The following PKIB variants were observed in gnomAD, a reference collection of about 807,000 sequenced individuals.
PKIB encodes PKI-beta.
PKIB carries 2 observed loss-of-function variants against 4.5 expected under a neutral mutation model. That is an observed-to-expected ratio of 0.44 (90% CI 0.18 to 1.39). The LOEUF (loss-of-function observed/expected upper bound fraction) is 1.39. Ranked by LOEUF, PKIB falls within the 40% of genes most tolerant of loss-of-function variation. PKIB has a pLI of 0.27. For synonymous variants in PKIB, 38 were observed against 36.0 expected, an observed-to-expected ratio of 1.06 and a Z score of -0.20; for missense variants, 94 against 92.6, an observed-to-expected ratio of 1.02 and a Z score of -0.06.
intron 2 of PKIB, among the ~76,000 whole-genome samples, chr6:122,564,833 C>T (rs144911871): frequency 1.1e-4 from 16 of 152,086 alleles, no homozygotes; most frequent in African/African-American, 2.9e-4. Flanking sequence ...GTGTAGGAAA[C>T]GCTTAGGAAT....
intron 2 of PKIB, among the ~76,000 whole-genome samples, chr6:122,584,381 T>A (rs1562260342): frequency 6.6e-6 from 1 of 152,140 alleles, no homozygotes; most frequent in Admixed American, 6.6e-5. Flanking sequence ...TTGGAAATGA[T>A]AATCATAAAT....
At chr6:122,682,523 TA>T (rs1777937088) in intron 3 of PKIB, among the ~76,000 whole-genome samples, 1 of 152,204 alleles carries the variant, frequency 6.6e-6, no homozygotes. Context: ...CTAAAAACTG[TA>T]GGTTTTTTCA....
At chr6:122,695,429 AT>A (rs74273096) in intron 3 of PKIB, among the ~76,000 whole-genome samples, 72,571 of 151,844 alleles carry the variant, frequency 0.48, 18,132 homozygotes, top group Non-Finnish European at 0.56. Flanking sequence ...AGAACAAAAA[AT>A]AAGTTTTTTC....
At chr6:122,605,763 G>C (rs1774510249), upstream of PKIB, among the ~76,000 whole-genome samples, 1 of 152,056 alleles carries the variant, frequency 6.6e-6, no homozygotes, top group Non-Finnish European at 1.5e-5. Context: ...AGTGGTTTTT[G>C]TCCCCAAGGC....
chr6:122,532,991 G>A (rs769727709), intron 2 of PKIB, among the ~76,000 whole-genome samples: 4 of 151,968 alleles, frequency 2.6e-5, no homozygotes, highest in South Asian at 2.1e-4. Context: ...TTTCTTTGGG[G>A]AAATATCTAT....
intron 1 of PKIB, among the ~76,000 whole-genome samples, chr6:122,619,241 A>G (rs1162986594): frequency 2.6e-5 from 4 of 152,140 alleles, no homozygotes; most frequent in African/African-American, 7.2e-5. Context: ...TTATCAATCT[A>G]TTCTCACGTA....
At chr6:122,609,988 G>A (rs957160795), upstream of PKIB, among the ~76,000 whole-genome samples, 3 of 152,108 alleles carry the variant, frequency 2.0e-5, no homozygotes, top group Non-Finnish European at 2.9e-5. Context: ...ATGACACCTG[G>A]AGCACAAACC....
intron 2 of PKIB, among the ~76,000 whole-genome samples, chr6:122,510,779 G>A (rs1776561538): frequency 6.6e-6 from 1 of 152,140 alleles, no homozygotes; most frequent in Admixed American, 6.5e-5. Context: ...ACCCAGATAA[G>A]GTGCTGGGTC....
intron 1 of PKIB, among the ~76,000 whole-genome samples, chr6:122,626,558 C>T (rs998249013): frequency 2.6e-5 from 4 of 152,310 alleles, no homozygotes; most frequent in South Asian, 2.1e-4. Context: ...ACAGAAGATG[C>T]GGCATTTGAG....
intron 2 of PKIB, chr6:122,482,177 G>T (rs1775637651): frequency 6.6e-6 from 1 of 152,160 alleles, no homozygotes; most frequent in Non-Finnish European, 1.5e-5. Flanking sequence ...AGCCAGGATG[G>T]TCTTGATCTC....
chr6:122,528,075 T>TA (rs1777147087), intron 2 of PKIB, among the ~76,000 whole-genome samples: 1 of 152,160 alleles, frequency 6.6e-6, no homozygotes, highest in Non-Finnish European at 1.5e-5. Context: ...CATAAATACT[T>TA]ATGATTATTA....
chr6:122,706,077 G>A (rs6923946), intron 3 of PKIB, among the ~76,000 whole-genome samples: 150,762 of 152,212 alleles, frequency 0.99, 74,683 homozygotes, highest in Middle Eastern at 1. Context: ...CTTGCTTTTT[G>A]CACTCCCCTC....
intron 2 of PKIB, among the ~76,000 whole-genome samples, chr6:122,666,277 C>A (rs575245087): frequency 2.6e-5 from 4 of 152,288 alleles, no homozygotes; most frequent in African/African-American, 9.6e-5. Context: ...CTTAAATTTC[C>A]AACAGGTTAC....
intron 1 of PKIB, among the ~76,000 whole-genome samples, chr6:122,630,734 G>A (rs1367269684): frequency 6.6e-6 from 1 of 152,148 alleles, no homozygotes; most frequent in East Asian, 1.9e-4. Context: ...CCATCAGCCT[G>A]ATAAAATCGG....
At chr6:122,574,165 G>C (rs1773460533) in intron 2 of PKIB, among the ~76,000 whole-genome samples, 1 of 152,078 alleles carries the variant, frequency 6.6e-6, no homozygotes, top group African/African-American at 2.4e-5. Flanking sequence ...AATCCCTTTT[G>C]CAACAGCTGC....
At chr6:122,586,854 C>T (rs548583625) in intron 3 of PKIB, among the ~76,000 whole-genome samples, 1 of 152,250 alleles carries the variant, frequency 6.6e-6, no homozygotes, top group African/African-American at 2.4e-5. Flanking sequence ...CAGGAAATTA[C>T]AGCTTTAGGG....
At chr6:122,551,215 G>C (rs1228409523) in intron 2 of PKIB, among the ~76,000 whole-genome samples, 1 of 151,872 alleles carries the variant, frequency 6.6e-6, no homozygotes, top group Non-Finnish European at 1.5e-5. Context: ...ATGATTCCCT[G>C]GTTACTCTTT....
intron 3 of PKIB, chr6:122,701,454 G>T: frequency 6.3e-7 from 1 of 1,585,862 alleles, no homozygotes; most frequent in South Asian, 1.2e-5. Context: ...AAGCTTCAGA[G>T]ATCACCTGCC....
chr6:122,592,079 G>A (rs574549189), intron 3 of PKIB, among the ~76,000 whole-genome samples: 1 of 149,936 alleles, frequency 6.7e-6, no homozygotes, highest in African/African-American at 2.5e-5. Flanking sequence ...TAACTTAATG[G>A]TCAATTTCAG....
Sources: gnomAD v4.1 joint callset for allele counts (sites outside exome capture counted in the v4.1 genomes callset) on GRCh38, gnomAD v4.1.1 for gene constraint, MANE v1.5 for transcripts, NCBI Gene and HGNC (gene_info 2026-07-23, HGNC 2026-07-21) for gene names.